The following CEP72 variants were observed in gnomAD, a reference collection of about 807,000 sequenced individuals.
The protein encoded by CEP72 is centrosomal protein 72.
In CEP72, 78 loss-of-function variants were observed where a neutral mutation model predicts 65.7. That is an observed-to-expected ratio of 1.19 (90% CI 0.99 to 1.43). CEP72 has a LOEUF of 1.43. CEP72 is among the 40% of genes most tolerant of loss of function. The pLI, the probability that CEP72 is intolerant of heterozygous loss-of-function variation, is 0.00. For missense variants in CEP72, 914 were observed against 832.9 expected, an observed-to-expected ratio of 1.10 and a Z score of -1.20; for synonymous variants, 358 against 351.7, an observed-to-expected ratio of 1.02 and a Z score of -0.20.
intron 3 of CEP72, among the ~76,000 whole-genome samples, chr5:665,595 C>A (rs894261173): frequency 1.4e-4 from 21 of 151,424 alleles, no homozygotes; most frequent in Non-Finnish European, 2.1e-4. Context: ...CCAGGCCCCA[C>A]CCTCCAGGCT....
the CEP72 span, chr5:676,011 AGCTTCTCTGGGACTGAG>A: frequency 3.0e-5 from 2 of 67,768 alleles, no homozygotes; most frequent in African/African-American, 4.8e-4. Context: ...CCTCCCCTCC[AGCTTCTCTGGGACTGAG>A]GCTGGGAGCT....
chr5:620,386 T>G (rs1344534302), intron 3 of CEP72, 125 bp downstream of exon 3: 4 of 808,484 alleles, frequency 4.9e-6, no homozygotes, highest in Admixed American at 2.4e-5. Context: ...GGGAGTTGGT[T>G]TTCTACGCTG....
chr5:670,568 G>T (rs1442385326), downstream of CEP72, among the ~76,000 whole-genome samples: 4 of 152,096 alleles, frequency 2.6e-5, no homozygotes, highest in African/African-American at 4.8e-5. Flanking sequence ...ACGGGGGGAG[G>T]GGGAGCTTCT....
At chr5:616,377 G>C (rs1561022788) in intron 1 of CEP72, among the ~76,000 whole-genome samples, 5 of 151,380 alleles carry the variant, frequency 3.3e-5, no homozygotes. Context: ...TGTCTCAGGT[G>C]TTTGTAATTG....
rs1292354010 is a variant in CEP72 at position 640,447 on chromosome 5, C to G, written c.1382C>G (p.Thr461Arg). The G allele has an allele frequency of 6.2e-7, 1 of 1,614,222 alleles. No homozygotes were observed. ...RHILSSVEEFTAAQDSSAMVG... is the reference protein window; with the variant it reads ...RHILSSVEEFRAAQDSSAMVG... ...ATCTTGTCATCTGTTGAAGAATTCA[C>G]AGCAGCTCAGGACAGCTCTGCGATG... The change falls in exon 9 of 12, where the codon ACA becomes AGA. Residue 461 changes from threonine to arginine, a missense_variant. Transcript: ENST00000264935.
At chr5:654,715 T>C (rs541400139), downstream of CEP72, among the ~76,000 whole-genome samples, 2 of 152,354 alleles carry the variant, frequency 1.3e-5, no homozygotes, top group South Asian at 4.1e-4. Context: ...TTTAAGCTTA[T>C]AGATGCTTAC....
At chr5:670,307 G>A (rs1740171765), downstream of CEP72, among the ~76,000 whole-genome samples, 1 of 152,168 alleles carries the variant, frequency 6.6e-6, no homozygotes, top group South Asian at 2.1e-4. Flanking sequence ...GGCGGGCGAG[G>A]TGACAGCTAC....
At chr5:621,673 C>T (rs993227982) in intron 3 of CEP72, among the ~76,000 whole-genome samples, 1 of 152,254 alleles carries the variant, frequency 6.6e-6, no homozygotes, top group Admixed American at 6.5e-5. Context: ...CTGGGGCCAT[C>T]GTGGAGCCAT....
chr5:635,349 T>C (rs778371281), intron 5 of CEP72, 23 bp from the exon 6 acceptor site: 4 of 1,494,604 alleles, frequency 2.7e-6, no homozygotes, highest in Non-Finnish European at 3.7e-6. Context: ...TTATGAAATA[T>C]TTTATTTACA....
chr5:666,159 G>T (rs748421364), intron 4 of CEP72: 12 of 1,540,694 alleles, frequency 7.8e-6, no homozygotes, highest in Non-Finnish European at 1.0e-5. Flanking sequence ...CTGGGCGCGG[G>T]CCGGCCCAGG....
downstream of CEP72, among the ~76,000 whole-genome samples, chr5:654,347 A>G (rs546724687): frequency 7.9e-6 from 1 of 125,982 alleles, no homozygotes; most frequent in Non-Finnish European, 1.7e-5. Flanking sequence ...GTGTGCGCGC[A>G]CGCACCCTGT....
rs576706875 is a variant in CEP72 at position 645,930 on chromosome 5, C to G, written c.1666+1505C>G. 6.6e-6 allele frequency among the ~76,000 whole-genome samples: 1 copy of G among 151,416 alleles called. No homozygotes were observed. The highest frequency in any genetic ancestry group is 2.1e-4 in the South Asian group (1 of 4,796). Reference sequence around the variant, plus strand: ...GTGGACGGTGAATTCGGCTTCGTTACACTGTGTGAGCGTCACTCCTGCTCC... The same window carrying G: ...GTGGACGGTGAATTCGGCTTCGTTAGACTGTGTGAGCGTCACTCCTGCTCC... On this transcript the variant is annotated intron_variant, in intron 10 of 11. Coordinates refer to ENST00000264935, the MANE Select transcript of CEP72 (RefSeq NM_018140.4). The surrounding 1 kb of genome is among the most constrained non-coding windows in gnomAD (Gnocchi z 4.0).
chr5:619,590 T>C (rs1364440414), intron 2 of CEP72, among the ~76,000 whole-genome samples: 4 of 152,176 alleles, frequency 2.6e-5, no homozygotes, highest in African/African-American at 9.7e-5. Context: ...GCGCCTGCCC[T>C]GAGCCTGGTG....
rs1736498940 is a variant in CEP72 at position 623,061 on chromosome 5, T to A, written c.404-1410T>A. 6.6e-6 allele frequency among the ~76,000 whole-genome samples: 1 copy of A among 151,944 alleles called. No homozygotes were observed. Among genetic ancestry groups the A allele is most frequent in the Admixed American group, 6.6e-5 (1 of 15,264 alleles). ...TTTCTGTAGAGAAGGAGCGCGGCCG[T>A]CTCCCTCTTAGTGTTTCTGCAGAGA... On this transcript the variant is annotated intron_variant, in intron 3 of 11. Coordinates refer to ENST00000264935, the MANE Select transcript of CEP72 (RefSeq NM_018140.4). The surrounding 1 kb of genome is among the most constrained non-coding windows in gnomAD (Gnocchi z 5.3).
chr5:670,990 C>T (rs190201980), downstream of CEP72, among the ~76,000 whole-genome samples: 22 of 152,344 alleles, frequency 1.4e-4, no homozygotes, highest in African/African-American at 4.8e-4. Flanking sequence ...CACTGGGCCA[C>T]GGCAGCTCAG....
intron 9 of CEP72, 163 bp downstream of exon 9, chr5:640,767 C>T (rs868648): frequency 0.22 from 218,292 of 985,330 alleles, 25,248 homozygotes; most frequent in East Asian, 0.43. Context: ...CCCCGGAACG[C>T]GGCCTGCCCT....
chr5:653,362 G>C lies in CEP72; in HGVS notation c.*209G>C, dbSNP rs904620379. 6.6e-6 allele frequency: 3 copies of C among 454,398 alleles called. No individual in the cohort carries two copies. The highest frequency in any genetic ancestry group is 3.9e-5 in the Admixed American group (1 of 25,516). The allele number at this position is 454,398 out of a possible 1,614,324, so 28.1% of individuals were successfully genotyped here. A position where few individuals can be genotyped will look rare whatever the true frequency, so the allele number is the denominator to read the frequency against. On this transcript the variant is annotated 3_prime_UTR_variant, in exon 12 of 12. Transcript: ENST00000264935. ...TATGATTACTCCAAGCCCTCTGCAT[G>C]TTTTCAGACAGAACACATTGACATA...
downstream of CEP72, among the ~76,000 whole-genome samples, chr5:658,668 T>A (rs1561072184): frequency 1.1e-4 from 9 of 78,326 alleles, no homozygotes; most frequent in African/African-American, 5.0e-4. Context: ...TTTTTTTTTT[T>A]TTTTTTTTTT....
At chr5:619,149 T>C in intron 2 of CEP72, 32 bp downstream of exon 2, 1 of 1,598,816 alleles carries the variant, frequency 6.3e-7, no homozygotes, top group South Asian at 1.1e-5. Context: ...TAAAATTTAT[T>C]GCTATCAACA....
Sources: gnomAD v4.1 joint callset for allele counts (sites outside exome capture counted in the v4.1 genomes callset) on GRCh38, gnomAD v4.1.1 for gene constraint, Gnocchi (gnomAD v3.1) non-coding constraint, MANE v1.5 for transcripts, NCBI Gene and HGNC (gene_info 2026-07-23, HGNC 2026-07-21) for gene names.